SOX5: variants seen among roughly 807,000 people sequenced by gnomAD.
SOX5 encodes the protein transcription factor SOX-5.
In SOX5, 9 loss-of-function variants were observed where a neutral mutation model predicts 92.0. The ratio of observed to expected loss-of-function variants is 0.10; its 90% CI spans 0.06 to 0.17. The LOEUF (loss-of-function observed/expected upper bound fraction) is 0.17, where lower values mean the gene tolerates loss of function less well. Among genes scored for constraint, SOX5 ranks in the 10% least tolerant of loss-of-function variants. The probability of loss-of-function intolerance (pLI) is 1.00; values close to 1 mark genes in which losing one functional copy is unlikely to be tolerated. For missense variants in SOX5, 642 were observed against 944.5 expected, an observed-to-expected ratio of 0.68 and a Z score of 4.20; for synonymous variants, 344 against 336.3, an observed-to-expected ratio of 1.02 and a Z score of -0.25.
At chr12:23,699,652 T>G (rs961843176) in intron 6 of SOX5, among the ~76,000 whole-genome samples, 8 of 152,160 alleles carry the variant, frequency 5.3e-5, no homozygotes, top group African/African-American at 1.7e-4. Flanking sequence ...TGTACTCTTA[T>G]TTTTTATGCA....
intron 1 of SOX5, among the ~76,000 whole-genome samples, chr12:24,540,221 A>T (rs1319595492): frequency 1.2e-4 from 19 of 152,154 alleles, no homozygotes; most frequent in Admixed American, 1.2e-3. Flanking sequence ...TAATAATAAA[A>T]TATACTGCTA....
chr12:23,578,941 A>G (rs1183289897), intron 9 of SOX5, among the ~76,000 whole-genome samples: 1 of 151,440 alleles, frequency 6.6e-6, no homozygotes, highest in Non-Finnish European at 1.5e-5. Context: ...AAGAAACAAA[A>G]CAAAGCAAAG....
chr12:23,802,967 A>G (rs1293861826), intron 3 of SOX5, among the ~76,000 whole-genome samples: 1 of 152,148 alleles, frequency 6.6e-6, no homozygotes, highest in African/African-American at 2.4e-5. Flanking sequence ...ATTCTCCAAC[A>G]TTCCTAAAAC....
Position 23,740,993 on chromosome 12 carries a change from C to G in SOX5, c.615G>C (p.Met205Ile). The G allele has an allele frequency of 1.2e-6, 2 of 1,611,296 alleles. No homozygotes were observed. The highest frequency in any genetic ancestry group is 1.7e-6 in the Non-Finnish European group (2 of 1,177,950). Residue 205 changes from methionine (M) to isoleucine (I), a missense_variant, in exon 5 of 15, where the codon ATG becomes ATC. Met to Ile is a conservative substitution (Grantham distance 10). Around this residue, in one of 8 missense-constraint regions of SOX5, gnomAD observed 324 missense variants for 461.6 expected, o/e 0.70. Transcript: ENST00000451604. ...LAEKERQLMG[M>I]INQLTSLREQ... The stretch of plus-strand genomic sequence containing the variant: ...CTCGGAGGCTGGTCAGCTGGTTGAT[C>G]ATACCCATGAGTTGCCTTTCTTTCT...
chr12:23,623,443 G>GA (rs1286827190), intron 8 of SOX5, among the ~76,000 whole-genome samples: 1 of 152,042 alleles, frequency 6.6e-6, no homozygotes, highest in Non-Finnish European at 1.5e-5. Flanking sequence ...TAGATTATAA[G>GA]ATGTAGCCCA....
chr12:24,299,399 C>G (rs1371205524), intron 2 of SOX5, among the ~76,000 whole-genome samples: 5 of 152,090 alleles, frequency 3.3e-5, no homozygotes. Context: ...TTCTTGATAT[C>G]CAGCCCGGTG....
intron 1 of SOX5, among the ~76,000 whole-genome samples, chr12:23,917,735 G>A (rs372322749): frequency 1.3e-5 from 2 of 151,992 alleles, no homozygotes; most frequent in African/African-American, 4.8e-5. Flanking sequence ...TGGACTAGTC[G>A]ACCTTTCTGG....
intron 4 of SOX5, among the ~76,000 whole-genome samples, chr12:24,162,339 C>T (rs1033614998): frequency 1.3e-5 from 2 of 152,044 alleles, no homozygotes; most frequent in African/African-American, 4.8e-5. Context: ...GTACACTTAT[C>T]TAGTTTTATC....
At chr12:23,791,548 T>G (rs776105552) in intron 3 of SOX5, among the ~76,000 whole-genome samples, 1 of 152,158 alleles carries the variant, frequency 6.6e-6, no homozygotes, top group Admixed American at 6.5e-5. Context: ...CCTGCAGACA[T>G]AAAGGCCATA....
chr12:23,838,998 C>A (rs1044222927), intron 3 of SOX5, among the ~76,000 whole-genome samples: 1 of 147,620 alleles, frequency 6.8e-6, no homozygotes, highest in African/African-American at 2.5e-5. Flanking sequence ...CACCACCACA[C>A]CCAGCTATTT....
At chr12:24,034,089 T>C (rs774939440) in intron 4 of SOX5, among the ~76,000 whole-genome samples, 1 of 152,040 alleles carries the variant, frequency 6.6e-6, no homozygotes, top group Non-Finnish European at 1.5e-5. Context: ...GTTTTGATAA[T>C]CCAGGTAATT....
chr12:23,570,933 ATATATATATATATATATATATATATAT>A (rs1948222508), intron 10 of SOX5, among the ~76,000 whole-genome samples: 1 of 8,228 alleles, frequency 1.2e-4, no homozygotes, highest in Non-Finnish European at 2.2e-4. Context: ...AAAAAAAAAT[ATATATATATATATATATATATATATAT>A]ATATATATAT....
intron 3 of SOX5, among the ~76,000 whole-genome samples, chr12:23,770,889 G>A (rs915980037): frequency 2.0e-5 from 3 of 152,116 alleles, no homozygotes; most frequent in Non-Finnish European, 4.4e-5. Flanking sequence ...GGGCAGAGAA[G>A]GTGGGGTGCT....
At chr12:23,790,259 T>C (rs1263828203) in intron 3 of SOX5, among the ~76,000 whole-genome samples, 1 of 152,010 alleles carries the variant, frequency 6.6e-6, no homozygotes, top group African/African-American at 2.4e-5. Flanking sequence ...CATAATTTTC[T>C]GTGTTTATGT....
chr12:24,332,319 C>T (rs951568639), intron 2 of SOX5, among the ~76,000 whole-genome samples: 4 of 152,110 alleles, frequency 2.6e-5, no homozygotes, highest in Admixed American at 6.5e-5. Flanking sequence ...GACTTTAAAA[C>T]TCTGAAGGAA....
At chr12:23,862,207 T>C (rs2096763901) in intron 2 of SOX5, among the ~76,000 whole-genome samples, 1 of 152,190 alleles carries the variant, frequency 6.6e-6, no homozygotes, top group Admixed American at 6.5e-5. Context: ...GAAGAGGCCA[T>C]TCCAACAGCT....
chr12:24,378,814 A>G (rs1957538153), intron 1 of SOX5, among the ~76,000 whole-genome samples: 1 of 152,132 alleles, frequency 6.6e-6, no homozygotes. Context: ...CACTCCCTCA[A>G]TCCGCACCCC....
At chr12:23,783,772 T>A (rs1289034565) in intron 3 of SOX5, among the ~76,000 whole-genome samples, 1 of 152,142 alleles carries the variant, frequency 6.6e-6, no homozygotes, top group African/African-American at 2.4e-5. Context: ...AATGTTTAAT[T>A]GACATGGAAC....
At chr12:23,927,584 TTTC>T (rs1273857741) in intron 1 of SOX5, among the ~76,000 whole-genome samples, 30 of 152,202 alleles carry the variant, frequency 2.0e-4, no homozygotes, top group African/African-American at 7.0e-4. Context: ...TTATTTCAAT[TTTC>T]CTGTTTACCT....
Sources: gnomAD v4.1 joint callset for allele counts (sites outside exome capture counted in the v4.1 genomes callset) on GRCh38, gnomAD v4.1.1 for gene constraint, gnomAD v4.1.1 regional missense constraint, MANE v1.5 for transcripts, NCBI Gene and HGNC (gene_info 2026-07-23, HGNC 2026-07-21) for gene names.